The following NCAM2 variants were observed in gnomAD, a reference collection of about 807,000 sequenced individuals.
NCAM2 encodes the protein N-CAM-2.
NCAM2 carries 30 observed loss-of-function variants against 98.1 expected under a neutral mutation model. The ratio of observed to expected loss-of-function variants is 0.31; its 90% CI spans 0.23 to 0.41. The LOEUF (loss-of-function observed/expected upper bound fraction) is 0.41. Among genes scored for constraint, NCAM2 ranks in the 10% least tolerant of loss-of-function variants. NCAM2 has a pLI of 1.00. For missense variants in NCAM2, 867 were observed against 1,005.8 expected (o/e 0.86, Z 1.87); for synonymous variants, 368 against 342.4 (o/e 1.07, Z -0.83).
chr21:21,411,804 G>C (rs2076893060), intron 10 of NCAM2, among the ~76,000 whole-genome samples: 2 of 152,126 alleles, frequency 1.3e-5, no homozygotes, highest in African/African-American at 4.8e-5. Context: ...AAATTCGTTT[G>C]ATAGGAGGAT....
chr21:21,018,307 C>T (rs917880505), intron 1 of NCAM2, among the ~76,000 whole-genome samples: 2 of 152,166 alleles, frequency 1.3e-5, no homozygotes, highest in Admixed American at 6.5e-5. Flanking sequence ...TAGATAAAAT[C>T]GGCATTTGGA....
intron 8 of NCAM2, among the ~76,000 whole-genome samples, chr21:21,362,804 T>C (rs1454755215): frequency 6.6e-6 from 1 of 152,210 alleles, no homozygotes; most frequent in East Asian, 1.9e-4. Context: ...TATTGATTTT[T>C]AACAGGTAAT....
Position 21,082,112 on chromosome 21 carries a change from C to T in NCAM2, c.55+83494C>T, listed in dbSNP as rs190354943. ...GCGTGGTGGCAGGCGCATGTAGTCC[C>T]AACTACTCGGGAGGCTGAGACAGGA... is the stretch of plus-strand genomic sequence containing the variant. On this transcript the variant is annotated intron_variant, in intron 1 of 17. Transcript: ENST00000400546. 1.3e-3 allele frequency among the ~76,000 whole-genome samples: 190 copies of T among 150,570 alleles called. 2 individuals carry two copies. In the East Asian group the frequency reaches 0.023, roughly 18 times the overall value.
In NCAM2 at chr21:21,337,413, A is replaced by G. The variant is rs1426771988; in HGVS notation, c.899-976A>G. Among the ~76,000 whole-genome samples the G allele has an allele frequency of 2.6e-5, 4 of 152,082 alleles. No homozygotes were observed. The East Asian group carries it at 7.7e-4, about 29-fold the overall frequency. ...ATATTGTGGGAATATAACTAAATCT[A>G]TTAAAGTTAATGAAATAAAGAGTGA... On this transcript the variant is annotated intron_variant, in intron 7 of 17. Coordinates refer to ENST00000400546, the MANE Select transcript of NCAM2 (RefSeq NM_004540.5).
chr21:21,038,605 A>T (rs2064844576), intron 1 of NCAM2, among the ~76,000 whole-genome samples: 2 of 152,184 alleles, frequency 1.3e-5, no homozygotes, highest in African/African-American at 4.8e-5. Context: ...CAAGTGAAGA[A>T]GGATGTGTTT....
intron 1 of NCAM2, among the ~76,000 whole-genome samples, chr21:21,101,981 C>G (rs1288879375): frequency 1.3e-5 from 2 of 151,970 alleles, no homozygotes; most frequent in African/African-American, 4.8e-5. Context: ...CAAGCTTTGG[C>G]CAATGAAGTG....
intron 12 of NCAM2, among the ~76,000 whole-genome samples, chr21:21,454,879 A>G (rs1044801972): frequency 2.0e-5 from 3 of 152,006 alleles, no homozygotes; most frequent in Non-Finnish European, 2.9e-5. Context: ...AAAGAAATAT[A>G]TAACAGAAAC....
At chr21:21,071,437 G>A (rs2065560881) in intron 1 of NCAM2, among the ~76,000 whole-genome samples, 1 of 152,062 alleles carries the variant, frequency 6.6e-6, no homozygotes, top group African/African-American at 2.4e-5. Flanking sequence ...AAACAAATGT[G>A]GAGAAAGCAA....
intron 8 of NCAM2, among the ~76,000 whole-genome samples, chr21:21,355,006 A>G (rs2075433520): frequency 6.6e-6 from 1 of 152,094 alleles, no homozygotes; most frequent in Non-Finnish European, 1.5e-5. Context: ...ATTTTTTGTG[A>G]TTTTGCATTT....
intron 1 of NCAM2, among the ~76,000 whole-genome samples, chr21:21,031,840 G>A (rs6518036): frequency 0.72 from 109,865 of 151,980 alleles, 40,001 homozygotes; most frequent in Admixed American, 0.79. Context: ...TCACACACAC[G>A]TGTGCTTGTG....
intron 1 of NCAM2, among the ~76,000 whole-genome samples, chr21:21,198,184 ATGTGTGTGTGTG>A (rs10600265): frequency 0.021 from 3,095 of 146,300 alleles, 57 homozygotes; most frequent in African/African-American, 0.042. Flanking sequence ...TGTAAAGTAT[ATGTGTGTGTGTG>A]TGTGTGTGTG....
At chr21:21,276,357 C>A (rs1004177214) in intron 1 of NCAM2, among the ~76,000 whole-genome samples, 5 of 151,948 alleles carry the variant, frequency 3.3e-5, no homozygotes, top group African/African-American at 4.8e-5. Flanking sequence ...TTTTAATTTA[C>A]CCAACTCTAC....
chr21:21,323,098 C>G (rs2074419870), intron 5 of NCAM2, among the ~76,000 whole-genome samples: 3 of 152,110 alleles, frequency 2.0e-5, no homozygotes, highest in Non-Finnish European at 2.9e-5. Context: ...TAATACTGCT[C>G]TTGCAACTAA....
intron 12 of NCAM2, among the ~76,000 whole-genome samples, chr21:21,437,501 T>TGTGTGTGTGTG (rs1569063376): frequency 3.3e-5 from 5 of 151,628 alleles, no homozygotes; most frequent in South Asian, 4.2e-4. Context: ...TGTGTGTGTG[T>TGTGTGTGTGTG]TTCTAGCACA....
At chr21:21,537,462 C>G (rs1290201446) in intron 17 of NCAM2, among the ~76,000 whole-genome samples, 1 of 152,114 alleles carries the variant, frequency 6.6e-6, no homozygotes, top group East Asian at 1.9e-4. Context: ...TGGCATTTTA[C>G]CTTCCATAAC....
chr21:21,314,353 CA>C (rs1601947490), intron 5 of NCAM2, among the ~76,000 whole-genome samples: 2 of 152,092 alleles, frequency 1.3e-5, no homozygotes, highest in East Asian at 3.9e-4. Flanking sequence ...GATTTCTGGT[CA>C]AAAAATTCAG....
intron 1 of NCAM2, among the ~76,000 whole-genome samples, chr21:21,029,409 C>T (rs184122488): frequency 2.6e-5 from 4 of 152,232 alleles, no homozygotes; most frequent in East Asian, 1.9e-4. Flanking sequence ...TTAATCCATA[C>T]GTCCTTTTTT....
intron 16 of NCAM2, among the ~76,000 whole-genome samples, chr21:21,522,466 A>G (rs1315895083): frequency 6.6e-6 from 1 of 150,944 alleles, no homozygotes; most frequent in Non-Finnish European, 1.5e-5. Context: ...GAGAGAGAAA[A>G]CCCCGCTAGT....
intron 15 of NCAM2, among the ~76,000 whole-genome samples, chr21:21,498,387 C>A (rs1233729865): frequency 6.6e-6 from 1 of 152,116 alleles, no homozygotes; most frequent in Non-Finnish European, 1.5e-5. Context: ...TCACAGCCAT[C>A]ACAGACATTA....
Sources: gnomAD v4.1 joint callset for allele counts (sites outside exome capture counted in the v4.1 genomes callset) on GRCh38, gnomAD v4.1.1 for gene constraint, MANE v1.5 for transcripts, NCBI Gene and HGNC (gene_info 2026-07-23, HGNC 2026-07-21) for gene names.